The following ZNF804B variants were observed in gnomAD, a reference collection of about 807,000 sequenced individuals.
ZNF804B encodes zinc finger protein 804B, also known as zinc finger 804B.
ZNF804B carries 80 observed loss-of-function variants against 101.4 expected under a neutral mutation model. That is an observed-to-expected ratio of 0.79 (90% CI 0.66 to 0.95). The LOEUF (loss-of-function observed/expected upper bound fraction) is 0.95, where lower values mean the gene tolerates loss of function less well. Ranked by LOEUF, ZNF804B falls within the 40% of genes least tolerant of loss-of-function variation. The pLI is 0.00. For synonymous variants in ZNF804B, 622 were observed against 558.8 expected (o/e 1.11, Z -1.59); for missense variants, 1,673 against 1,561.9 (o/e 1.07, Z -1.20).
rs114799234 is a variant in ZNF804B at position 89,317,852 on chromosome 7, G to A, written c.250-9492G>A. On this transcript the variant is annotated intron_variant, in intron 2 of 3. Coordinates refer to ENST00000333190, the MANE Select transcript of ZNF804B (RefSeq NM_181646.5). ...CATGCTTGTGAAGGGAAGATAAAATGAACTTTTAGAGCATGCAAAATTTCT... is the reference window on the plus strand; with the variant it reads ...CATGCTTGTGAAGGGAAGATAAAATAAACTTTTAGAGCATGCAAAATTTCT... 6.0e-3 allele frequency among the ~76,000 whole-genome samples: 908 copies of A among 152,256 alleles called. 10 individuals carry two copies. Among genetic ancestry groups the A allele is most frequent in the African/African-American group, 0.02 (849 of 41,552 alleles).
intron 2 of ZNF804B, among the ~76,000 whole-genome samples, chr7:89,236,116 G>C (rs1345726699): frequency 6.6e-6 from 1 of 151,924 alleles, no homozygotes; most frequent in African/African-American, 2.4e-5. Context: ...ATCATTACTT[G>C]GCCTCCATAT....
At chr7:89,217,319 A>T (rs35936860) in intron 1 of ZNF804B, among the ~76,000 whole-genome samples, 1 of 152,212 alleles carries the variant, frequency 6.6e-6, no homozygotes, top group Non-Finnish European at 1.5e-5. Flanking sequence ...AGCCAGGCAT[A>T]GGTTGTTTGA....
chr7:88,801,981 G>A (rs1790598650), intron 1 of ZNF804B, among the ~76,000 whole-genome samples: 2 of 152,118 alleles, frequency 1.3e-5, no homozygotes, highest in Non-Finnish European at 2.9e-5. Context: ...ATCTCCATGT[G>A]TTGAGGGAGG....
intron 1 of ZNF804B, among the ~76,000 whole-genome samples, chr7:89,206,252 C>T (rs1180680296): frequency 2.0e-5 from 3 of 150,660 alleles, no homozygotes; most frequent in Admixed American, 2.0e-4. Context: ...CTGACATGCC[C>T]TGGAGAGGTT....
At chr7:89,331,954 T>A (rs951652593) in intron 3 of ZNF804B, among the ~76,000 whole-genome samples, 1 of 151,414 alleles carries the variant, frequency 6.6e-6, no homozygotes, top group African/African-American at 2.4e-5. Context: ...TTCACCCAAA[T>A]TAATCAACCT....
At chr7:89,197,874 A>T (rs1227699930) in intron 1 of ZNF804B, among the ~76,000 whole-genome samples, 1 of 151,870 alleles carries the variant, frequency 6.6e-6, no homozygotes, top group Non-Finnish European at 1.5e-5. Flanking sequence ...CCTCATTTCT[A>T]TGTGAATAAA....
intron 1 of ZNF804B, among the ~76,000 whole-genome samples, chr7:88,925,116 T>C (rs1792776900): frequency 6.6e-6 from 1 of 152,190 alleles, no homozygotes. Context: ...GGACTCTTCA[T>C]TATTTACTAG....
chr7:88,988,458 G>A (rs1038448042), intron 1 of ZNF804B, among the ~76,000 whole-genome samples: 1 of 152,040 alleles, frequency 6.6e-6, no homozygotes, highest in Non-Finnish European at 1.5e-5. Context: ...AAGGCAAAGG[G>A]CATCATGCAT....
chr7:89,324,949 T>G (rs891418842), intron 2 of ZNF804B, among the ~76,000 whole-genome samples: 1 of 151,988 alleles, frequency 6.6e-6, no homozygotes, highest in Non-Finnish European at 1.5e-5. Flanking sequence ...AACTCCAAAG[T>G]AGTGCTGAAT....
chr7:88,948,409 A>G (rs73202737), intron 1 of ZNF804B, among the ~76,000 whole-genome samples: 9,529 of 148,024 alleles, frequency 0.064, 424 homozygotes, highest in Non-Finnish European at 0.096. Flanking sequence ...CTCCAAGGCT[A>G]TGAACTTTAA....
intron 2 of ZNF804B, among the ~76,000 whole-genome samples, chr7:89,316,867 T>C (rs1324861419): frequency 1.3e-5 from 2 of 152,198 alleles, no homozygotes; most frequent in Admixed American, 6.5e-5. Flanking sequence ...ACAGGAGAAG[T>C]CTGCCTAAGT....
intron 1 of ZNF804B, among the ~76,000 whole-genome samples, chr7:88,885,439 G>A (rs932320007): frequency 6.6e-5 from 10 of 150,844 alleles, no homozygotes; most frequent in Admixed American, 6.0e-4. Context: ...ATACAATATT[G>A]CTAAAATCTG....
At chr7:89,029,441 G>T (rs1788799970) in intron 1 of ZNF804B, among the ~76,000 whole-genome samples, 1 of 152,094 alleles carries the variant, frequency 6.6e-6, no homozygotes, top group African/African-American at 2.4e-5. Flanking sequence ...AATATCCTGA[G>T]ATGTAATATG....
chr7:88,943,001 A>G (rs1214258010), intron 1 of ZNF804B, among the ~76,000 whole-genome samples: 1 of 151,936 alleles, frequency 6.6e-6, no homozygotes, highest in African/African-American at 2.4e-5. Flanking sequence ...GCTTAAATGT[A>G]TGGGTGTGAC....
chr7:89,198,344 T>C (rs1256145289), intron 1 of ZNF804B, among the ~76,000 whole-genome samples: 2 of 151,942 alleles, frequency 1.3e-5, no homozygotes, highest in Non-Finnish European at 2.9e-5. Flanking sequence ...TTATAGTAAA[T>C]GCATAAAGCC....
chr7:89,259,822 A>C (rs897982192), intron 2 of ZNF804B, among the ~76,000 whole-genome samples: 2 of 152,188 alleles, frequency 1.3e-5, no homozygotes, highest in Admixed American at 1.3e-4. Context: ...TCTAATAAAA[A>C]TACAAAAATT....
At chr7:88,788,578 T>A (rs1790336299) in intron 1 of ZNF804B, among the ~76,000 whole-genome samples, 1 of 152,164 alleles carries the variant, frequency 6.6e-6, no homozygotes, top group Non-Finnish European at 1.5e-5. Flanking sequence ...TATTTGTTTA[T>A]TTGTTTTTTG....
intron 2 of ZNF804B, among the ~76,000 whole-genome samples, chr7:89,221,985 T>C (rs1442248396): frequency 6.6e-6 from 1 of 151,926 alleles, no homozygotes. Flanking sequence ...AATTTAAGTG[T>C]TGTAAAAATT....
intron 1 of ZNF804B, among the ~76,000 whole-genome samples, chr7:88,948,306 A>ATTTTTTTT (rs68069374): frequency 2.2e-5 from 2 of 92,720 alleles, no homozygotes; most frequent in Admixed American, 1.2e-4. Context: ...CCACCCATCC[A>ATTTTTTTT]TTTTTTTTTT....
Sources: allele counts gnomAD v4.1 joint callset (sites outside exome capture counted in the v4.1 genomes callset), GRCh38; gene constraint gnomAD v4.1.1; transcripts MANE v1.5; gene names NCBI Gene and HGNC (gene_info 2026-07-23, HGNC 2026-07-21).